LYPD6B: variants seen among roughly 807,000 people sequenced by gnomAD.
LYPD6B encodes the protein ly6/PLAUR domain-containing protein 6B.
LYPD6B carries 17 observed loss-of-function variants against 22.8 expected under a neutral mutation model. The ratio of observed to expected loss-of-function variants is 0.75; its 90% CI spans 0.51 to 1.12. The LOEUF is 1.12. Among genes scored for constraint, LYPD6B ranks in the 50% most tolerant of loss-of-function variants. LYPD6B has a pLI of 0.00. For missense variants in LYPD6B, 221 were observed against 258.3 expected (o/e 0.86, Z 0.99); for synonymous variants, 106 against 91.6 (o/e 1.16, Z -0.90).
intron 2 of LYPD6B, 35 bp downstream of exon 2, chr2:149,130,988 A>G (rs1204318845): frequency 2.7e-6 from 4 of 1,485,540 alleles, no homozygotes; most frequent in Admixed American, 1.7e-5. Context: ...TGTAGAGAAG[A>G]TATTTTTATT....
At chr2:149,047,386 A>C (rs10192399) in intron 1 of LYPD6B, among the ~76,000 whole-genome samples, 6,933 of 152,302 alleles carry the variant, frequency 0.046, 526 homozygotes, top group African/African-American at 0.16. Flanking sequence ...ACAATTTAAA[A>C]AAAAAATTCA....
chr2:149,083,957 C>CAA lies in LYPD6B; in HGVS notation c.-67+45164_-67+45165dup, dbSNP rs34003691. 1.2e-3 allele frequency among the ~76,000 whole-genome samples: 185 copies of CAA among 150,718 alleles called. 2 individuals carry two copies. The highest frequency in any genetic ancestry group is 5.2e-3 in the South Asian group (25 of 4,770). ...CAACAAAGAACAAAAACAAAACAAA[C>CAA]AAAAAAAAACCGGGCGTAGTGGCAT... On this transcript the variant is annotated intron_variant, in intron 1 of 6. Coordinates refer to ENST00000409642, the MANE Select transcript of LYPD6B (RefSeq NM_177964.5).
chr2:149,122,199 C>T (rs1439790657), intron 1 of LYPD6B, among the ~76,000 whole-genome samples: 1 of 152,034 alleles, frequency 6.6e-6, no homozygotes, highest in Non-Finnish European at 1.5e-5. Context: ...CTGGGAGCTC[C>T]CGAAAGAGCA....
intron 6 of LYPD6B, 88 bp downstream of exon 6, chr2:149,213,210 T>C (rs1230432517): frequency 6.7e-7 from 1 of 1,496,914 alleles, no homozygotes; most frequent in African/African-American, 1.4e-5. Context: ...AGGATAGTAA[T>C]ATGTGGACCA....
At chr2:149,127,820 A>T (rs1575021045) in intron 1 of LYPD6B, among the ~76,000 whole-genome samples, 1 of 152,126 alleles carries the variant, frequency 6.6e-6, no homozygotes, top group East Asian at 1.9e-4. Flanking sequence ...CTTGGGCCTA[A>T]GTGTCAAATG....
At chr2:149,149,881 A>G (rs1228318521) in intron 2 of LYPD6B, among the ~76,000 whole-genome samples, 1 of 152,148 alleles carries the variant, frequency 6.6e-6, no homozygotes, top group Non-Finnish European at 1.5e-5. Context: ...TGTAGAGACC[A>G]CCTTCCTTTA....
At chr2:149,104,132 C>T (rs1191674764) in intron 1 of LYPD6B, among the ~76,000 whole-genome samples, 1 of 152,082 alleles carries the variant, frequency 6.6e-6, no homozygotes, top group Non-Finnish European at 1.5e-5. Flanking sequence ...GTTATGCCCA[C>T]AATCTGTTTA....
chr2:149,178,924 A>T (rs1025458535), intron 3 of LYPD6B, among the ~76,000 whole-genome samples: 8 of 152,248 alleles, frequency 5.3e-5, no homozygotes, highest in African/African-American at 1.9e-4. Flanking sequence ...ATCAAGCTCA[A>T]GAATAAAAGT....
At chr2:149,064,715 C>A (rs1211048023) in intron 1 of LYPD6B, among the ~76,000 whole-genome samples, 1 of 152,188 alleles carries the variant, frequency 6.6e-6, no homozygotes, top group East Asian at 1.9e-4. Context: ...CAGGAAATGA[C>A]AGCACTGGGA....
intron 1 of LYPD6B, among the ~76,000 whole-genome samples, chr2:149,091,327 T>G (rs1044565964): frequency 6.6e-6 from 1 of 150,784 alleles, no homozygotes; most frequent in Non-Finnish European, 1.5e-5. Flanking sequence ...ATAAAAAGGT[T>G]ATGTATAAAG....
intron 3 of LYPD6B, among the ~76,000 whole-genome samples, chr2:149,191,889 G>A (rs992504769): frequency 6.6e-5 from 10 of 152,152 alleles, no homozygotes; most frequent in African/African-American, 2.4e-4. Context: ...TGAAGCTTGG[G>A]GCAGGCAGGA....
intron 1 of LYPD6B, among the ~76,000 whole-genome samples, chr2:149,046,301 C>T (rs1387572956): frequency 6.6e-6 from 1 of 152,048 alleles, no homozygotes; most frequent in Non-Finnish European, 1.5e-5. Context: ...AACCTGTATA[C>T]TTAAGGTGGC....
intron 1 of LYPD6B, among the ~76,000 whole-genome samples, chr2:149,117,246 T>G (rs1440872760): frequency 6.6e-6 from 1 of 151,966 alleles, no homozygotes; most frequent in Non-Finnish European, 1.5e-5. Context: ...ATGTACATTT[T>G]TATATAATCA....
At chr2:149,211,101 G>C (rs7585089) in intron 5 of LYPD6B, among the ~76,000 whole-genome samples, 1 of 151,918 alleles carries the variant, frequency 6.6e-6, no homozygotes, top group African/African-American at 2.4e-5. Flanking sequence ...AAGAAAGAGA[G>C]GGGGGAGGTG....
intron 1 of LYPD6B, among the ~76,000 whole-genome samples, chr2:149,105,695 G>GTAGTA (rs1288060995): frequency 2.0e-5 from 3 of 152,068 alleles, no homozygotes; most frequent in Non-Finnish European, 4.4e-5. Context: ...AGTACTAGTA[G>GTAGTA]CTTTTTTGAT....
At chr2:149,156,015 C>G (rs975871346) in intron 2 of LYPD6B, among the ~76,000 whole-genome samples, 1 of 152,160 alleles carries the variant, frequency 6.6e-6, no homozygotes, top group Non-Finnish European at 1.5e-5. Context: ...TCTTCCTTTT[C>G]TTTTCAGAAA....
chr2:149,073,597 T>G (rs571645334), intron 1 of LYPD6B, among the ~76,000 whole-genome samples: 3 of 152,132 alleles, frequency 2.0e-5, no homozygotes, highest in Non-Finnish European at 4.4e-5. Context: ...AGATCCGTTG[T>G]GCTGCTGAGG....
chr2:149,099,476 C>CGT (rs6146963), intron 1 of LYPD6B, among the ~76,000 whole-genome samples: 12 of 152,084 alleles, frequency 7.9e-5, no homozygotes, highest in South Asian at 4.2e-4. Flanking sequence ...TTGGTCCCCT[C>CGT]ATGGTAGGGT....
intron 1 of LYPD6B, among the ~76,000 whole-genome samples, chr2:149,117,213 ATATT>A (rs1687049693): frequency 3.3e-5 from 5 of 150,640 alleles, no homozygotes; most frequent in East Asian, 1.9e-4. Flanking sequence ...CATATTTACT[ATATT>A]TATAGTTTTT....
Sources: allele counts gnomAD v4.1 joint callset (sites outside exome capture counted in the v4.1 genomes callset), GRCh38; gene constraint gnomAD v4.1.1; transcripts MANE v1.5; gene names NCBI Gene and HGNC (gene_info 2026-07-23, HGNC 2026-07-21).